RTN3: variants seen among roughly 807,000 people sequenced by gnomAD.
RTN3 encodes the protein reticulon 3, also known as reticulon-3.
RTN3 carries 49 observed loss-of-function variants against 77.8 expected under a neutral mutation model. That is an observed-to-expected ratio of 0.63 (90% CI 0.50 to 0.80). RTN3 has a LOEUF of 0.80. RTN3 is among the 30% of genes least tolerant of loss of function. RTN3 has a pLI of 0.00. For missense variants in RTN3, 1,236 were observed against 1,211.9 expected (o/e 1.02, Z -0.29); for synonymous variants, 464 against 446.9 (o/e 1.04, Z -0.48).
chr11:63,756,608 T>G (rs564846886), intron 8 of RTN3, among the ~76,000 whole-genome samples: 1 of 152,138 alleles, frequency 6.6e-6, no homozygotes, highest in African/African-American at 2.4e-5. Context: ...AAAAGATCAG[T>G]GGAATTTTTT....
chr11:63,741,354 C>T (rs1455426483), intron 3 of RTN3, among the ~76,000 whole-genome samples: 1 of 151,514 alleles, frequency 6.6e-6, no homozygotes, highest in Non-Finnish European at 1.5e-5. Context: ...AGGCGTGTGC[C>T]ACCACGCCTG....
intron 3 of RTN3, among the ~76,000 whole-genome samples, chr11:63,744,814 A>G (rs1439783634): frequency 6.6e-6 from 1 of 152,188 alleles, no homozygotes; most frequent in Non-Finnish European, 1.5e-5. Context: ...CAACATGACA[A>G]AACCCTGCCT....
intron 7 of RTN3, 127 bp from the exon 8 acceptor site, chr11:63,755,985 G>A (rs989907432): frequency 7.5e-6 from 5 of 664,390 alleles, no homozygotes; most frequent in East Asian, 5.5e-5. Context: ...TAAAAACTGG[G>A]TGTTTTCATT....
chr11:63,751,008 A>G (rs2014076118), intron 4 of RTN3, among the ~76,000 whole-genome samples: 1 of 151,782 alleles, frequency 6.6e-6, no homozygotes, highest in Non-Finnish European at 1.5e-5. Flanking sequence ...CTGGGATTAC[A>G]GGCGTGAGCC....
intron 1 of RTN3, among the ~76,000 whole-genome samples, chr11:63,701,119 A>G (rs1349729185): frequency 6.7e-6 from 1 of 148,580 alleles, no homozygotes; most frequent in Non-Finnish European, 1.5e-5. Flanking sequence ...TTCAGCTTTT[A>G]GTGCTCATAT....
intron 3 of RTN3, among the ~76,000 whole-genome samples, chr11:63,745,728 G>C (rs1168935378): frequency 6.6e-6 from 1 of 152,170 alleles, no homozygotes; most frequent in Admixed American, 6.5e-5. Flanking sequence ...TGTTATCTTT[G>C]TAGGTTTGAA....
chr11:63,750,601 C>T (rs1258927559), intron 4 of RTN3, among the ~76,000 whole-genome samples: 1 of 151,756 alleles, frequency 6.6e-6, no homozygotes. Context: ...TACAGGCATG[C>T]GCCACTATGC....
At chr11:63,688,177 C>A (rs1243652134) in intron 1 of RTN3, among the ~76,000 whole-genome samples, 1 of 151,218 alleles carries the variant, frequency 6.6e-6, no homozygotes, top group East Asian at 1.9e-4. Context: ...CAAATGCCTG[C>A]TGACTTGGAT....
intron 1 of RTN3, among the ~76,000 whole-genome samples, chr11:63,682,962 C>T (rs543527817): frequency 4.6e-5 from 7 of 152,044 alleles, no homozygotes; most frequent in Non-Finnish European, 1.0e-4. Context: ...TAATTTTGCT[C>T]TCTATTTAGT....
intron 3 of RTN3, among the ~76,000 whole-genome samples, chr11:63,749,058 G>C (rs113170960): frequency 1.3e-4 from 20 of 152,274 alleles, no homozygotes; most frequent in African/African-American, 4.8e-4. Context: ...ACAGCAGGAA[G>C]ATTGCTTGAA....
At chr11:63,749,444 A>G (rs61928234) in intron 3 of RTN3, among the ~76,000 whole-genome samples, 16,649 of 152,144 alleles carry the variant, frequency 0.11, 1,029 homozygotes, top group South Asian at 0.16. Context: ...CCCTGCCCCA[A>G]TTTATACACT....
Position 63,719,934 on chromosome 11 carries a change from A to C in RTN3, c.1432A>C (p.Lys478Gln), listed in dbSNP as rs545696130. 1.6e-5 allele frequency: 26 copies of C among 1,614,180 alleles called. No individual in the cohort carries two copies. In the South Asian group the frequency reaches 2.5e-4, roughly 16 times the overall value. Residue 478 changes from lysine (K) to glutamine (Q), a missense_variant, in exon 3 of 9, where the codon AAA (lysine) becomes CAA (glutamine). Around this residue, in one of 3 missense-constraint regions of RTN3, gnomAD observed 1,056 missense variants for 990.4 expected, o/e 1.07. Transcript: ENST00000377819. ...VKVVLPDDHL[K>Q]DEMDWQSSAL... Reference sequence around the variant, plus strand: ...AGTGGTTTTACCTGATGACCACCTGAAAGATGAAATGGACTGGCAGAGCTC... The same window carrying C: ...AGTGGTTTTACCTGATGACCACCTGCAAGATGAAATGGACTGGCAGAGCTC...
Position 63,732,320 on chromosome 11 carries a change from C to T in RTN3, c.2530+11288C>T, listed in dbSNP as rs145434254. 1.9e-3 allele frequency among the ~76,000 whole-genome samples: 293 copies of T among 152,122 alleles called. 1 individual carries two copies. The highest frequency in any genetic ancestry group is 6.9e-3 in the African/African-American group (285 of 41,520). ...CAGGCAGGCATCTAGGGACTACAGG[C>T]ACGCACTATCATACTTTATTAATTT... On this transcript the variant is annotated intron_variant, in intron 3 of 8. Coordinates refer to ENST00000377819, the MANE Select transcript of RTN3 (RefSeq NM_001265589.2).
Position 63,681,545 on chromosome 11 carries a change from G to T in RTN3, c.-92G>T, listed in dbSNP as rs895349140. On this transcript the variant is annotated 5_prime_UTR_variant, in exon 1 of 9. Transcript: ENST00000377819. ...CGGAGCAGGCGGAGTAAAGGGACTT[G>T]AGCGAGCCAGTTGCCGGATTATTCT... 5 of 1,341,368 alleles carry T rather than the reference G, an allele frequency of 3.7e-6. No individual in the cohort carries two copies. In the African/African-American group the frequency reaches 4.5e-5, roughly 12 times the overall value. 83.1% of individuals were successfully genotyped at this position (1,341,368 alleles called of 1,614,324 possible).
chr11:63,704,747 A>G lies in RTN3; in HGVS notation c.143-104A>G. 4 of 810,362 alleles carry G rather than the reference A, an allele frequency of 4.9e-6. No homozygotes were observed. In the East Asian group the frequency reaches 7.4e-5, roughly 15 times the overall value. 50.2% of individuals were successfully genotyped at this position (810,362 alleles called of 1,614,324 possible). On this transcript the variant is annotated intron_variant, in intron 1 of 8. Transcript: ENST00000377819. ...TTGAGTTTTCCTCCTTGTTAAACCC[A>G]ATGAAATTATGATGCTTGGCTCTTC...
At chr11:63,698,006 CT>C (rs1942052379) in intron 1 of RTN3, among the ~76,000 whole-genome samples, 1 of 152,112 alleles carries the variant, frequency 6.6e-6, no homozygotes, top group African/African-American at 2.4e-5. Context: ...ATTTCCCATA[CT>C]TTTTGTTTTC....
chr11:63,727,789 A>AT (rs1565328341), intron 3 of RTN3, among the ~76,000 whole-genome samples: 1 of 152,122 alleles, frequency 6.6e-6, no homozygotes, highest in African/African-American at 2.4e-5. Flanking sequence ...TGCAAAACCT[A>AT]TTTTTTATAA....
chr11:63,718,877 A>C lies in RTN3; in HGVS notation c.375A>C (p.Leu125=). The part of the protein sequence containing the change: ...AKEGKDHLDL[L]DMKKMEKPQG... ...AAGGAAAAGACCACTTGGATCTTCT[A>C]GATATGAAAAAGATGGAAAAGCCTC... Residue 125 remains leucine, a synonymous_variant, in exon 3 of 9, where the codon CTA becomes CTC. Coordinates refer to ENST00000377819, the MANE Select transcript of RTN3 (RefSeq NM_001265589.2). 3.7e-6 allele frequency: 6 copies of C among 1,614,056 alleles called. No individual in the cohort carries two copies. The South Asian group carries it at 5.5e-5, about 15-fold the overall frequency.
intron 7 of RTN3, among the ~76,000 whole-genome samples, chr11:63,754,726 A>C (rs1485025964): frequency 7.2e-6 from 1 of 139,682 alleles, no homozygotes; most frequent in Non-Finnish European, 1.5e-5. Flanking sequence ...AAACGCTTAG[A>C]TGGGAGATTG....
Sources: gnomAD v4.1 joint callset for allele counts (sites outside exome capture counted in the v4.1 genomes callset) on GRCh38, gnomAD v4.1.1 for gene constraint, gnomAD v4.1.1 regional missense constraint, MANE v1.5 for transcripts, NCBI Gene and HGNC (gene_info 2026-07-23, HGNC 2026-07-21) for gene names.